The following STEAP1B variants were observed in gnomAD, a reference collection of about 807,000 sequenced individuals.
STEAP1B encodes the protein STEAP family member 1B, also known as STEAP family protein MGC87042.
A neutral mutation model predicts 27.9 loss-of-function variants in STEAP1B; 13 were observed. The observed-to-expected ratio is 0.47, with a 90% CI of 0.30 to 0.74. The LOEUF (loss-of-function observed/expected upper bound fraction) is 0.74, where lower values mean the gene tolerates loss of function less well. Among genes scored for constraint, STEAP1B ranks in the 30% least tolerant of loss-of-function variants. The pLI is 0.06. For synonymous variants in STEAP1B, 86 were observed against 107.1 expected, an observed-to-expected ratio of 0.80 and a Z score of 1.22; for missense variants, 250 against 298.7, an observed-to-expected ratio of 0.84 and a Z score of 1.20.
In STEAP1B at chr7:22,419,816, G is replaced by C. The variant is rs960238400; in HGVS notation, c.783C>G (p.Phe261Leu). 1 of 1,550,292 alleles carries C rather than the reference G, an allele frequency of 6.5e-7. No individual in the cohort carries two copies. Among genetic ancestry groups the C allele is most frequent in the Non-Finnish European group, 8.7e-7 (1 of 1,146,158 alleles). Residue 261 changes from phenylalanine to leucine, a missense_variant, in exon 5 of 5, where the codon TTC (phenylalanine) becomes TTG (leucine). Physicochemically the swap from Phe to Leu is conservative, Grantham distance 22. Coordinates refer to ENST00000678116, the MANE Select transcript of STEAP1B (RefSeq NM_001382447.1). ...HYIQVHGRIN[F>L]LTL Reference sequence around the variant, plus strand: ...CTGGCAGGATCTGTCACAAGGTCAGGAAGTTGATCCTACCATGTACCTGGA... The same window carrying C: ...CTGGCAGGATCTGTCACAAGGTCAGCAAGTTGATCCTACCATGTACCTGGA...
chr7:22,456,968 A>ATTTTTTTTTT (rs1554285700), intron 4 of STEAP1B, among the ~76,000 whole-genome samples: 9 of 47,950 alleles, frequency 1.9e-4, no homozygotes, highest in Admixed American at 1.4e-3. Flanking sequence ...ATATATATAT[A>ATTTTTTTTTT]TATATTTTTT....
intron 4 of STEAP1B, among the ~76,000 whole-genome samples, chr7:22,450,560 C>A (rs775909348): frequency 1.4e-5 from 2 of 148,090 alleles, no homozygotes; most frequent in Non-Finnish European, 3.0e-5. Context: ...AAGTACCATG[C>A]TCTTTTGGTT....
intron 4 of STEAP1B, among the ~76,000 whole-genome samples, chr7:22,420,613 C>T (rs1014467941): frequency 1.5e-4 from 23 of 152,242 alleles, no homozygotes; most frequent in African/African-American, 5.3e-4. Context: ...GGCTTCTGCT[C>T]TCAGTTCTTC....
chr7:22,456,692 G>A (rs188859508), intron 4 of STEAP1B, among the ~76,000 whole-genome samples: 5 of 152,038 alleles, frequency 3.3e-5, no homozygotes, highest in South Asian at 2.1e-4. Flanking sequence ...ATGAAAAAAG[G>A]GAAATTAGAA....
chr7:22,420,024 C>T (rs960473913), intron 4 of STEAP1B, among the ~76,000 whole-genome samples, 188 bp from the exon 5 acceptor site: 3 of 152,168 alleles, frequency 2.0e-5, no homozygotes, highest in Non-Finnish European at 2.9e-5. Flanking sequence ...CCTAGAATTC[C>T]GGTGTGGTCT....
intron 4 of STEAP1B, among the ~76,000 whole-genome samples, chr7:22,448,826 T>C (rs760906417): frequency 6.6e-6 from 1 of 152,158 alleles, no homozygotes; most frequent in Non-Finnish European, 1.5e-5. Context: ...CAATCTAGCA[T>C]ATCCCAGCTG....
At chr7:22,459,019 A>G (rs1431579757) in intron 4 of STEAP1B, among the ~76,000 whole-genome samples, 2 of 152,216 alleles carry the variant, frequency 1.3e-5, no homozygotes, top group African/African-American at 4.8e-5. Context: ...TAGAACAAAA[A>G]TAATAAAGAA....
chr7:22,464,374 T>G (rs1474048557), intron 4 of STEAP1B, among the ~76,000 whole-genome samples: 1 of 152,142 alleles, frequency 6.6e-6, no homozygotes, highest in Non-Finnish European at 1.5e-5. Context: ...GAGGGTGTGT[T>G]CTACTAACTC....
At position 22,492,671 on chromosome 7, in the gene STEAP1B, T is replaced by C; in HGVS notation, c.656A>G (p.Tyr219Cys). The change falls in exon 4 of 5, where the codon TAT becomes TGT. Residue 219 changes from tyrosine (Y) to cysteine (C), a missense_variant. Coordinates refer to ENST00000678116, the MANE Select transcript of STEAP1B (RefSeq NM_001382447.1). ...CAGTCCCACAATTCCCAGAGACACA[T>C]AAATCTCCATTCTCCAAACATCATG... is the stretch of plus-strand genomic sequence containing the variant. ...IEHDVWRMEI[Y>C]VSLGIVGLAI... 1 of 1,613,608 alleles carries C rather than the reference T, an allele frequency of 6.2e-7. No individual in the cohort carries two copies. The highest frequency in any genetic ancestry group is 8.5e-7 in the Non-Finnish European group (1 of 1,179,720).
Position 22,426,315 on chromosome 7 carries a change from G to A in STEAP1B, c.763-6479C>T, listed in dbSNP as rs549297512. Among the ~76,000 whole-genome samples, 4 of 152,184 alleles carry A rather than the reference G, an allele frequency of 2.6e-5. No homozygotes were observed. The South Asian group carries it at 8.3e-4, about 32-fold the overall frequency. ...TTGAAATGTATAGTTAACATCACAAGAAAGTAAAGTAAATCCTCAAAGGAC... is the reference window on the plus strand; with the variant it reads ...TTGAAATGTATAGTTAACATCACAAAAAAGTAAAGTAAATCCTCAAAGGAC... On this transcript the variant is annotated intron_variant, in intron 4 of 4. Coordinates refer to ENST00000678116, the MANE Select transcript of STEAP1B (RefSeq NM_001382447.1).
intron 4 of STEAP1B, among the ~76,000 whole-genome samples, chr7:22,490,350 T>C (rs1224959597): frequency 2.0e-5 from 3 of 152,188 alleles, no homozygotes; most frequent in Non-Finnish European, 4.4e-5. Context: ...TGCCTCTATG[T>C]AAGCCCTCTT....
At chr7:22,420,948 G>A (rs1185648347) in intron 4 of STEAP1B, among the ~76,000 whole-genome samples, 3 of 152,218 alleles carry the variant, frequency 2.0e-5, no homozygotes, top group Non-Finnish European at 4.4e-5. Flanking sequence ...TTGCACCCAG[G>A]TAGTCTGGCT....
chr7:22,433,764 T>A (rs968178612), intron 4 of STEAP1B, among the ~76,000 whole-genome samples: 3 of 152,206 alleles, frequency 2.0e-5, no homozygotes, highest in South Asian at 2.1e-4. Context: ...CAGGAAAGAA[T>A]GAGTCCTTGA....
chr7:22,499,257 G>A (rs1268056346), intron 1 of STEAP1B, among the ~76,000 whole-genome samples: 2 of 152,188 alleles, frequency 1.3e-5, no homozygotes, highest in Non-Finnish European at 2.9e-5. Context: ...TTTATGTCCC[G>A]CAGTTGAGAA....
intron 4 of STEAP1B, among the ~76,000 whole-genome samples, chr7:22,453,555 C>T (rs1023040212): frequency 6.6e-6 from 1 of 152,212 alleles, no homozygotes; most frequent in African/African-American, 2.4e-5. Flanking sequence ...ATTTATGTTA[C>T]TTTCTGAAGT....
chr7:22,471,417 G>A (rs1206980736), intron 4 of STEAP1B, among the ~76,000 whole-genome samples: 2 of 152,130 alleles, frequency 1.3e-5, no homozygotes, highest in Non-Finnish European at 2.9e-5. Flanking sequence ...AAAACCATCT[G>A]CTGCCATCCA....
At chr7:22,452,349 GGAAA>G (rs1175829933) in intron 4 of STEAP1B, among the ~76,000 whole-genome samples, 10 of 152,030 alleles carry the variant, frequency 6.6e-5, no homozygotes, top group East Asian at 3.9e-4. Flanking sequence ...TGTGAGAAAC[GGAAA>G]GAAAGTGACC....
chr7:22,490,201 A>G (rs1191715652), intron 4 of STEAP1B, among the ~76,000 whole-genome samples: 1 of 152,154 alleles, frequency 6.6e-6, no homozygotes, highest in Non-Finnish European at 1.5e-5. Context: ...ACTGACAATT[A>G]TATCTCAATT....
intron 4 of STEAP1B, among the ~76,000 whole-genome samples, chr7:22,455,172 T>C (rs1016751862): frequency 9.9e-5 from 15 of 152,048 alleles, no homozygotes; most frequent in Non-Finnish European, 1.8e-4. Context: ...CTTAAAAATA[T>C]TTTAAAGGCT....
Sources: gnomAD v4.1 joint callset for allele counts (sites outside exome capture counted in the v4.1 genomes callset) on GRCh38, gnomAD v4.1.1 for gene constraint, MANE v1.5 for transcripts, NCBI Gene and HGNC (gene_info 2026-07-23, HGNC 2026-07-21) for gene names.